NYAP2: variants seen among roughly 807,000 people sequenced by gnomAD.
NYAP2 encodes the protein neuronal tyrosine-phosphorylated phosphoinositide-3-kinase adapter 2.
Under a neutral mutation model 50.4 loss-of-function variants are expected in NYAP2, and 23 were observed. That is an observed-to-expected ratio of 0.46 (90% CI 0.33 to 0.65). The LOEUF (loss-of-function observed/expected upper bound fraction) is 0.65. NYAP2 is among the 30% of genes least tolerant of loss of function. NYAP2 has a pLI of 0.02. For synonymous variants in NYAP2, 394 were observed against 365.2 expected (o/e 1.08, Z -0.90); for missense variants, 885 against 861.0 (o/e 1.03, Z -0.35).
chr2:225,424,389 T>G (rs1402060453), intron 3 of NYAP2, among the ~76,000 whole-genome samples: 3 of 152,146 alleles, frequency 2.0e-5, no homozygotes, highest in Non-Finnish European at 4.4e-5. Flanking sequence ...TAATAAGTAA[T>G]GTAGCACAAC....
chr2:225,619,593 C>T (rs1693054166), intron 5 of NYAP2, among the ~76,000 whole-genome samples: 2 of 152,098 alleles, frequency 1.3e-5, no homozygotes, highest in Admixed American at 6.5e-5. Context: ...ACCAAGTCTT[C>T]CTAGGTGGCC....
At chr2:225,475,788 A>T (rs368785498) in intron 3 of NYAP2, among the ~76,000 whole-genome samples, 2 of 152,188 alleles carry the variant, frequency 1.3e-5, no homozygotes, top group African/African-American at 4.8e-5. Context: ...TGATTTCCCA[A>T]TGAGAAACTG....
chr2:225,439,276 AG>A (rs1196771479), intron 3 of NYAP2, among the ~76,000 whole-genome samples: 1 of 152,234 alleles, frequency 6.6e-6, no homozygotes, highest in Non-Finnish European at 1.5e-5. Flanking sequence ...AGCCAAATAA[AG>A]AAGGGGATTA....
At chr2:225,623,806 G>C (rs1044628741) in intron 5 of NYAP2, among the ~76,000 whole-genome samples, 1 of 152,190 alleles carries the variant, frequency 6.6e-6, no homozygotes, top group African/African-American at 2.4e-5. Flanking sequence ...AGACATAGCA[G>C]AGAAGGCATA....
At chr2:225,477,227 A>G (rs1287480843) in intron 3 of NYAP2, among the ~76,000 whole-genome samples, 2 of 71,426 alleles carry the variant, frequency 2.8e-5, no homozygotes, top group East Asian at 9.3e-4. Flanking sequence ...GAGAGTCTCT[A>G]TTTCTTTTTT....
chr2:225,542,849 C>T (rs1226497569), intron 4 of NYAP2, among the ~76,000 whole-genome samples: 1 of 151,754 alleles, frequency 6.6e-6, no homozygotes, highest in Non-Finnish European at 1.5e-5. Context: ...GGTATTAGTT[C>T]TTCTTTAAAT....
chr2:225,574,905 G>A (rs1692145396), intron 4 of NYAP2, among the ~76,000 whole-genome samples: 1 of 152,076 alleles, frequency 6.6e-6, no homozygotes, highest in Non-Finnish European at 1.5e-5. Flanking sequence ...TTTGACCTTT[G>A]CTCTGAGGCT....
chr2:225,587,296 T>G (rs1173374344), intron 5 of NYAP2, among the ~76,000 whole-genome samples: 1 of 152,086 alleles, frequency 6.6e-6, no homozygotes, highest in Admixed American at 6.6e-5. Context: ...TAATTAAAAT[T>G]TACAATCTGA....
the NYAP2 span, among the ~76,000 whole-genome samples, chr2:225,682,243 C>G: frequency 6.6e-6 from 1 of 152,104 alleles, no homozygotes; most frequent in Admixed American, 6.6e-5. Flanking sequence ...TATTATCTCC[C>G]ACTATGGTCA....
chr2:225,633,688 C>G (rs1299831503), intron 6 of NYAP2, among the ~76,000 whole-genome samples: 1 of 152,112 alleles, frequency 6.6e-6, no homozygotes, highest in Non-Finnish European at 1.5e-5. Context: ...ATGCAGGTGA[C>G]CTGGAAAGCA....
rs148839047 is a variant in NYAP2 at position 225,485,421 on chromosome 2, T to C, written c.222-27950T>C. ...CTCTCAAACCATGTTAGCAACTTCA[T>C]TTCTAAGTTAGGTTTGTGCTCATCT... On this transcript the variant is annotated intron_variant, in intron 3 of 6. Coordinates refer to ENST00000636099, the Ensembl canonical transcript of NYAP2. Among the ~76,000 whole-genome samples, 252 of 152,320 alleles carry C rather than the reference T, an allele frequency of 1.7e-3. 1 individual carries two copies. The highest frequency in any genetic ancestry group is 5.8e-3 in the African/African-American group (242 of 41,570).
downstream of NYAP2, among the ~76,000 whole-genome samples, chr2:225,658,522 G>A (rs1432260544): frequency 6.6e-6 from 1 of 152,188 alleles, no homozygotes; most frequent in African/African-American, 2.4e-5. Context: ...ATAAATTCAT[G>A]TTACAAATAA....
At chr2:225,505,774 T>G (rs1023156720) in intron 3 of NYAP2, among the ~76,000 whole-genome samples, 6 of 152,236 alleles carry the variant, frequency 3.9e-5, no homozygotes, top group Non-Finnish European at 8.8e-5. Context: ...AAATGGAATT[T>G]AGTAGTTGAT....
chr2:225,515,594 T>C (rs1362839149), intron 4 of NYAP2, among the ~76,000 whole-genome samples: 1 of 152,176 alleles, frequency 6.6e-6, no homozygotes, highest in African/African-American at 2.4e-5. Context: ...CACATTTTTT[T>C]AAGAAACAAT....
chr2:225,599,307 A>G (rs1009447897), intron 5 of NYAP2, among the ~76,000 whole-genome samples: 1 of 152,226 alleles, frequency 6.6e-6, no homozygotes, highest in Non-Finnish European at 1.5e-5. Context: ...AATATATTCC[A>G]TGAAAAAAAT....
chr2:225,551,833 A>G (rs772085049), intron 4 of NYAP2, among the ~76,000 whole-genome samples: 13 of 152,014 alleles, frequency 8.6e-5, no homozygotes, highest in Admixed American at 3.3e-4. Flanking sequence ...TTTTTTTGAG[A>G]TGGAGTTTTA....
In NYAP2 at chr2:225,618,459, G is replaced by A. The variant is rs566991999; in HGVS notation, c.1619-8458G>A. 2.2e-4 allele frequency among the ~76,000 whole-genome samples: 33 copies of A among 152,280 alleles called. No homozygotes were observed. In the East Asian group the frequency reaches 5.8e-3, roughly 27 times the overall value. The stretch of plus-strand genomic sequence containing the variant: ...AAAGTATTACAATATGGCAGGCTCC[G>A]AGGTCACTTTCTTTAGGGCAGCCCA... On this transcript the variant is annotated intron_variant, in intron 5 of 6. Coordinates refer to ENST00000636099, the Ensembl canonical transcript of NYAP2.
chr2:225,615,527 T>C (rs1440171839), intron 5 of NYAP2, among the ~76,000 whole-genome samples: 3 of 152,242 alleles, frequency 2.0e-5, no homozygotes, highest in Non-Finnish European at 2.9e-5. Context: ...TATTCCATGC[T>C]ATGAAAATTT....
At chr2:225,547,666 A>G (rs1205601485) in intron 4 of NYAP2, among the ~76,000 whole-genome samples, 1 of 152,218 alleles carries the variant, frequency 6.6e-6, no homozygotes, top group Non-Finnish European at 1.5e-5. Context: ...TCTTCATGCC[A>G]TGTGGCCACT....
Sources: gnomAD v4.1 joint callset for allele counts (sites outside exome capture counted in the v4.1 genomes callset) on GRCh38, gnomAD v4.1.1 for gene constraint, MANE v1.5 for transcripts, NCBI Gene and HGNC (gene_info 2026-07-23, HGNC 2026-07-21) for gene names.